The following ATG13 variants were observed in gnomAD, a reference collection of about 807,000 sequenced individuals.
ATG13 encodes autophagy related 13.
A neutral mutation model predicts 65.5 loss-of-function variants in ATG13; 23 were observed. That is an observed-to-expected ratio of 0.35 (90% CI 0.25 to 0.50). ATG13 has a LOEUF of 0.50. Ranked by LOEUF, ATG13 falls within the 20% of genes least tolerant of loss-of-function variation. The probability of loss-of-function intolerance (pLI) is 0.98; values close to 1 mark genes in which losing one functional copy is unlikely to be tolerated. For synonymous variants in ATG13, 252 were observed against 245.2 expected, an observed-to-expected ratio of 1.03 and a Z score of -0.26; for missense variants, 566 against 677.0, an observed-to-expected ratio of 0.84 and a Z score of 1.82.
At chr11:46,651,481 A>G (rs988502829) in intron 7 of ATG13, among the ~76,000 whole-genome samples, 1 of 152,200 alleles carries the variant, frequency 6.6e-6, no homozygotes, top group Non-Finnish European at 1.5e-5. Context: ...AGAGTGGTGG[A>G]GTAGAGGGTA....
Position 46,672,468 on chromosome 11 carries a change from C to T in ATG13, c.*136C>T, listed in dbSNP as rs2063984233. On this transcript the variant is annotated 3_prime_UTR_variant, in exon 19 of 19. Transcript: ENST00000683050. Reference sequence around the variant, plus strand: ...GAGGCTGGCTTCTCCCATGGGGACCCAGAAGTCCCTACTCTTGGACCTCCT... The same window carrying T: ...GAGGCTGGCTTCTCCCATGGGGACCTAGAAGTCCCTACTCTTGGACCTCCT... 7.8e-6 allele frequency: 12 copies of T among 1,546,750 alleles called. No homozygotes were observed. The South Asian group carries it at 1.5e-4, about 19-fold the overall frequency.
intron 3 of ATG13, 123 bp downstream of exon 3, chr11:46,644,483 C>T (rs981722443): frequency 2.5e-6 from 2 of 787,856 alleles, no homozygotes; most frequent in Non-Finnish European, 3.9e-6. Context: ...TTAAGGGATA[C>T]TTCTGTCTGT....
chr11:46,669,299 A>G (rs2063155872), intron 17 of ATG13, 105 bp from the exon 18 acceptor site: 5 of 1,385,044 alleles, frequency 3.6e-6, no homozygotes, highest in Non-Finnish European at 3.0e-6. Flanking sequence ...CCCTAAGATA[A>G]GCCTGAAAGA....
Position 46,672,927 on chromosome 11 carries a change from A to C in ATG13, c.*595A>C, listed in dbSNP as rs2134399692. The C allele has an allele frequency of 1.2e-6, 1 of 801,082 alleles. No homozygotes were observed. The highest frequency in any genetic ancestry group is 1.7e-6 in the Non-Finnish European group (1 of 591,898). The allele number at this position is 801,082 out of a possible 1,614,324, so 49.6% of individuals were successfully genotyped here. A position where few individuals can be genotyped will look rare whatever the true frequency, so the allele number is the denominator to read the frequency against. ...ATGACAGGCCTGCCTACCCAAGATC[A>C]GAACTCCAAAACCACTCCCACCCCT... On this transcript the variant is annotated 3_prime_UTR_variant, in exon 19 of 19. Transcript: ENST00000683050.
intron 11 of ATG13, among the ~76,000 whole-genome samples, chr11:46,661,644 C>T (rs1054087980): frequency 6.6e-6 from 1 of 151,812 alleles, no homozygotes; most frequent in African/African-American, 2.4e-5. Context: ...CCAGCCTGGG[C>T]AACATGGTGA....
intron 2 of ATG13, among the ~76,000 whole-genome samples, chr11:46,631,900 G>T (rs1032483682): frequency 6.6e-6 from 1 of 152,124 alleles, no homozygotes; most frequent in African/African-American, 2.4e-5. Context: ...CAACCATTTA[G>T]TCTGATACAA....
chr11:46,652,067 C>T (rs35236308), intron 7 of ATG13, among the ~76,000 whole-genome samples: 4 of 151,892 alleles, frequency 2.6e-5, no homozygotes, highest in African/African-American at 4.8e-5. Flanking sequence ...GACAACATAG[C>T]GAAACACTGT....
intron 14 of ATG13, among the ~76,000 whole-genome samples, chr11:46,667,221 G>A (rs1156235753): frequency 1.3e-5 from 2 of 152,102 alleles, no homozygotes; most frequent in African/African-American, 4.8e-5. Context: ...CCCCGTTTTT[G>A]GCCAGAGGAC....
At position 46,672,823 on chromosome 11, in the gene ATG13, T is replaced by C. The variant is rs1279585153; in HGVS notation, c.*491T>C. The C allele has an allele frequency of 1.6e-6, 2 of 1,270,090 alleles. No individual in the cohort carries two copies. The highest frequency in any genetic ancestry group is 2.0e-6 in the Non-Finnish European group (2 of 976,390). The allele number at this position is 1,270,090 out of a possible 1,614,324, so 78.7% of individuals were successfully genotyped here. A position where few individuals can be genotyped will look rare whatever the true frequency, so the allele number is the denominator to read the frequency against. ...AGAAGGAAGGAGTCCCTTAGCTCTC[T>C]TCATTGTCCCCTTTACTTCCTGCTA... On this transcript the variant is annotated 3_prime_UTR_variant, in exon 19 of 19. Transcript: ENST00000683050.
At chr11:46,628,938 CTT>C (rs10714909) in intron 1 of ATG13, among the ~76,000 whole-genome samples, 109 of 137,754 alleles carry the variant, frequency 7.9e-4, no homozygotes, top group African/African-American at 8.5e-4. Context: ...GATCTGTTTT[CTT>C]TTTTTTTTTT....
In ATG13 at chr11:46,619,986, G is replaced by A. The variant is rs1365501613; in HGVS notation, c.-70+2096G>A. Among the ~76,000 whole-genome samples the A allele has an allele frequency of 5.5e-5, 8 of 146,428 alleles. 1 individual carries two copies. The highest frequency in any genetic ancestry group is 2.1e-4 in the East Asian group (1 of 4,774). ...GGAGGTTGCAGTGAGCCTAGATCAC[G>A]CCATTGCACTCCAGCCCGGGAGACA... On this transcript the variant is annotated intron_variant, in intron 1 of 18. Coordinates refer to ENST00000683050, the MANE Select transcript of ATG13 (RefSeq NM_001346311.2).
rs775361264 is a variant in ATG13 at position 46,667,829 on chromosome 11, T to C, written c.1193T>C (p.Val398Ala). Residue 398 changes from valine (V) to alanine (A), a missense_variant, in exon 15 of 19, where the codon GTC becomes GCC. By Grantham distance (64) the Val-to-Ala change is moderately conservative. Around this residue, in one of 2 missense-constraint regions of ATG13, gnomAD observed 387 missense variants for 409.8 expected, o/e 0.94. Transcript: ENST00000683050. ...SSEGRASPHDVLETIFVRKVG... is the reference protein window; with the variant it reads ...SSEGRASPHDALETIFVRKVG... ...GAGGGACGGGCCTCCCCTCACGATG[T>C]CTTGGAGACCATCTTTGTCCGAAAA... 10 of 1,612,702 alleles carry C rather than the reference T, an allele frequency of 6.2e-6. No homozygotes were observed. The highest frequency in any genetic ancestry group is 5.0e-5 in the Admixed American group (3 of 59,992).
chr11:46,656,742 G>C (rs113542547), intron 8 of ATG13, among the ~76,000 whole-genome samples: 1,655 of 152,268 alleles, frequency 0.011, 15 homozygotes, highest in Middle Eastern at 0.061. Context: ...GTCTTTTTTA[G>C]CATGTGATGT....
At chr11:46,640,627 G>T (rs2055651603) in intron 2 of ATG13, among the ~76,000 whole-genome samples, 1 of 152,166 alleles carries the variant, frequency 6.6e-6, no homozygotes, top group African/African-American at 2.4e-5. Flanking sequence ...CTGCACTCCA[G>T]TCTAGGCAAC....
chr11:46,669,156 A>G (rs1320397849), intron 17 of ATG13, among the ~76,000 whole-genome samples: 1 of 152,152 alleles, frequency 6.6e-6, no homozygotes, highest in Admixed American at 6.5e-5. Context: ...TTCCACTGAT[A>G]CCCACTTAGG....
Position 46,651,122 on chromosome 11 carries a change from A to G in ATG13, c.458+805A>G, listed in dbSNP as rs550014116. Reference sequence around the variant, plus strand: ...ACCTTTTTAGTGCAAGCATTGTGCCAGGAGAACTTAAGAACTATACAGAGG... The same window carrying G: ...ACCTTTTTAGTGCAAGCATTGTGCCGGGAGAACTTAAGAACTATACAGAGG... On this transcript the variant is annotated intron_variant, in intron 7 of 18. Transcript: ENST00000683050. Among the ~76,000 whole-genome samples, 3 of 152,348 alleles carry G rather than the reference A, an allele frequency of 2.0e-5. No homozygotes were observed. In the South Asian group the frequency reaches 6.2e-4, roughly 32 times the overall value.
rs1192730788 is a variant in ATG13 at position 46,668,493 on chromosome 11, C to T, written c.1252-6C>T. The T allele has an allele frequency of 6.2e-7, 1 of 1,614,054 alleles. No homozygotes were observed. The highest frequency in any genetic ancestry group is 8.5e-7 in the Non-Finnish European group (1 of 1,179,860). ...GCATGAATGCTTTTCTCCTGTGTCTCTTCAGGTGACCCTGACGAGTTTGGA... is the reference window on the plus strand; with the variant it reads ...GCATGAATGCTTTTCTCCTGTGTCTTTTCAGGTGACCCTGACGAGTTTGGA... On this transcript the variant is annotated splice_polypyrimidine_tract_variant and splice_region_variant and intron_variant, in intron 15 of 18. Coordinates refer to ENST00000683050, the MANE Select transcript of ATG13 (RefSeq NM_001346311.2).
At chr11:46,656,961 G>GGCT in intron 8 of ATG13, 134 bp from the exon 9 acceptor site, 2 of 729,088 alleles carry the variant, frequency 2.7e-6, no homozygotes, top group East Asian at 2.5e-5. Context: ...ATGAAATTAA[G>GGCT]GCTGCTGCAC....
chr11:46,668,278 T>C (rs983170208), intron 15 of ATG13, among the ~76,000 whole-genome samples: 2 of 152,206 alleles, frequency 1.3e-5, no homozygotes, highest in African/African-American at 4.8e-5. Flanking sequence ...ATTCCCAGGG[T>C]CCTCAGGACC....
Sources: gnomAD v4.1 joint callset for allele counts (sites outside exome capture counted in the v4.1 genomes callset) on GRCh38, gnomAD v4.1.1 for gene constraint, gnomAD v4.1.1 regional missense constraint, MANE v1.5 for transcripts, NCBI Gene and HGNC (gene_info 2026-07-23, HGNC 2026-07-21) for gene names.